Variants in NDUFA12 observed in about 807,000 individuals in gnomAD.
The protein encoded by NDUFA12 is NADH dehydrogenase [ubiquinone] 1 alpha subcomplex subunit 12.
NDUFA12 carries 17 observed loss-of-function variants against 20.3 expected under a neutral mutation model. The observed-to-expected ratio is 0.84, with a 90% CI of 0.57 to 1.26. The LOEUF is 1.26. NDUFA12 is among the 50% of genes most tolerant of loss of function. The pLI is 0.00. For synonymous variants in NDUFA12, 72 were observed against 63.6 expected (o/e 1.13, Z -0.63); for missense variants, 191 against 183.7 (o/e 1.04, Z -0.23).
At chr12:94,996,647 A>T (rs1874842302) in intron 2 of NDUFA12, among the ~76,000 whole-genome samples, 1 of 151,594 alleles carries the variant, frequency 6.6e-6, no homozygotes. Context: ...GAGAAACCCC[A>T]TCTCTACTAA....
chr12:94,978,703 T>C (rs1237831944), intron 3 of NDUFA12, among the ~76,000 whole-genome samples: 2 of 152,208 alleles, frequency 1.3e-5, no homozygotes, highest in Admixed American at 6.5e-5. Context: ...GAGAAAATGA[T>C]TGTTCCTTAT....
intron 2 of NDUFA12, chr12:94,997,558 A>G (rs1169166706): frequency 6.6e-6 from 1 of 152,200 alleles, no homozygotes; most frequent in Non-Finnish European, 1.5e-5. Context: ...TAAAAGTAAC[A>G]AATGCACATG....
intron 3 of NDUFA12, among the ~76,000 whole-genome samples, chr12:94,973,555 C>T (rs907335713): frequency 1.3e-5 from 2 of 152,044 alleles, no homozygotes; most frequent in African/African-American, 4.8e-5. Flanking sequence ...GTCAGCTTAA[C>T]TAAAGAAAAA....
At chr12:94,977,143 T>C (rs1487998874) in intron 3 of NDUFA12, among the ~76,000 whole-genome samples, 2 of 152,210 alleles carry the variant, frequency 1.3e-5, no homozygotes, top group Non-Finnish European at 2.9e-5. Context: ...GGACTTACTT[T>C]GAAGAAAATA....
intron 2 of NDUFA12, among the ~76,000 whole-genome samples, chr12:94,995,767 G>A (rs1874803655): frequency 6.6e-6 from 1 of 152,080 alleles, no homozygotes; most frequent in Admixed American, 6.6e-5. Flanking sequence ...TTACAAGCAG[G>A]TTTACAGTAG....
intron 2 of NDUFA12, 69 bp from the exon 3 acceptor site, chr12:94,994,326 G>T (rs928757217): frequency 5.3e-6 from 6 of 1,136,658 alleles, no homozygotes; most frequent in Non-Finnish European, 7.8e-6. Context: ...TAATATCAAA[G>T]AAGACAACCT....
chr12:94,994,241 A>C lies in NDUFA12; in HGVS notation c.186T>G (p.Val62=). 1.9e-6 allele frequency: 3 copies of C among 1,614,216 alleles called. No homozygotes were observed. Among genetic ancestry groups the C allele is most frequent in the Non-Finnish European group, 2.5e-6 (3 of 1,180,020 alleles). The change falls in exon 3 of 4, where the codon GTT becomes GTG. Residue 62 remains valine, a synonymous_variant. Transcript: ENST00000327772. ...NKQFFGRHRW[V]VYTTEMNGKN... is the part of the protein sequence containing the mutation. The stretch of plus-strand genomic sequence containing the variant: ...TGCCATTCATTTCAGTAGTATATAC[A>C]ACCCATCGGTGACGGCCTGGGTGGG...
intron 1 of NDUFA12, 101 bp from the exon 2 acceptor site, chr12:95,002,922 C>T (rs1875110913): frequency 1.1e-6 from 1 of 951,354 alleles, no homozygotes; most frequent in East Asian, 2.4e-5. Flanking sequence ...ACAAGGGCTG[C>T]TGCATCAACT....
At chr12:94,995,568 C>T (rs74574529) in intron 2 of NDUFA12, among the ~76,000 whole-genome samples, 5,416 of 152,208 alleles carry the variant, frequency 0.036, 134 homozygotes, top group Middle Eastern at 0.082. Flanking sequence ...CTCGCTCTGT[C>T]GCCTAGGCTG....
At chr12:94,983,166 C>T (rs2136063095) in intron 3 of NDUFA12, among the ~76,000 whole-genome samples, 1 of 152,228 alleles carries the variant, frequency 6.6e-6, no homozygotes, top group Non-Finnish European at 1.5e-5. Context: ...TCATCCTTGA[C>T]TGGTTTTTCT....
At chr12:94,972,078 A>C (rs1247703127) in intron 3 of NDUFA12, among the ~76,000 whole-genome samples, 1 of 152,040 alleles carries the variant, frequency 6.6e-6, no homozygotes, top group East Asian at 1.9e-4. Context: ...GCATGCCACC[A>C]CCATGCCTGG....
At chr12:94,976,686 C>T (rs1314931109) in intron 3 of NDUFA12, among the ~76,000 whole-genome samples, 1 of 152,190 alleles carries the variant, frequency 6.6e-6, no homozygotes, top group Non-Finnish European at 1.5e-5. Flanking sequence ...CCCACAGATA[C>T]TGAAGGTCAA....
intron 2 of NDUFA12, among the ~76,000 whole-genome samples, chr12:94,996,282 G>A (rs1874827710): frequency 6.6e-6 from 1 of 150,686 alleles, no homozygotes. Context: ...AGGGGAGGGA[G>A]CTTTCATACA....
rs376249935 is a variant in NDUFA12 at position 94,984,434 on chromosome 12, G to A, written c.257+9736C>T. 2.4e-4 allele frequency among the ~76,000 whole-genome samples: 37 copies of A among 152,112 alleles called. 1 individual carries two copies. In the East Asian group the frequency reaches 6.2e-3, roughly 25 times the overall value. Reference sequence around the variant, plus strand: ...GGTTGGGAGTTCAAGACCAGCTGACGCAGGAGAATCGCTTGAACCCAGAGG... The same window carrying A: ...GGTTGGGAGTTCAAGACCAGCTGACACAGGAGAATCGCTTGAACCCAGAGG... On this transcript the variant is annotated intron_variant, in intron 3 of 3. Coordinates refer to ENST00000327772, the MANE Select transcript of NDUFA12 (RefSeq NM_018838.5).
intron 3 of NDUFA12, among the ~76,000 whole-genome samples, chr12:94,991,877 C>T (rs1874658507): frequency 6.6e-6 from 1 of 152,142 alleles, no homozygotes; most frequent in African/African-American, 2.4e-5. Flanking sequence ...TTTGACAAGT[C>T]TGTACTTTTC....
In NDUFA12 at chr12:94,985,221, A is replaced by T. The variant is rs140866394; in HGVS notation, c.257+8949T>A. 1.1e-3 allele frequency among the ~76,000 whole-genome samples: 164 copies of T among 152,098 alleles called. 1 individual carries two copies. Among genetic ancestry groups the T allele is most frequent in the African/African-American group, 3.9e-3 (161 of 41,488 alleles). On this transcript the variant is annotated intron_variant, in intron 3 of 3. Coordinates refer to ENST00000327772, the MANE Select transcript of NDUFA12 (RefSeq NM_018838.5). ...ATGGCTGCAGTTCCAGCTACTTAGG[A>T]GGCTGAGGTGGAAGGATTGCTTGAG...
rs761874337 is a variant in NDUFA12 at position 94,977,553 on chromosome 12, AAG to A, written c.258-5935_258-5934del. ...TGATTCAGTGGGTCAAAGTACTAAAAAGGACAGGTTGAAATTGCAATGTAATT... is the reference window on the plus strand; with the variant it reads ...TGATTCAGTGGGTCAAAGTACTAAAAGACAGGTTGAAATTGCAATGTAATT... On this transcript the variant is annotated intron_variant, in intron 3 of 3. Transcript: ENST00000327772. 2.5e-4 allele frequency among the ~76,000 whole-genome samples: 38 copies of A among 152,324 alleles called. 2 individuals carry two copies. The highest frequency in any genetic ancestry group is 2.1e-3 in the East Asian group (11 of 5,184).
At chr12:94,986,114 TA>T (rs201942637) in intron 3 of NDUFA12, among the ~76,000 whole-genome samples, 12,155 of 150,628 alleles carry the variant, frequency 0.081, 561 homozygotes, top group East Asian at 0.16. Flanking sequence ...AATAAATAAA[TA>T]AGCTAGTCTC....
At chr12:94,975,726 G>C (rs1874044777) in intron 3 of NDUFA12, among the ~76,000 whole-genome samples, 1 of 152,184 alleles carries the variant, frequency 6.6e-6, no homozygotes, top group Non-Finnish European at 1.5e-5. Context: ...TATGATGGAA[G>C]ACTAAGGCAT....
Sources: gnomAD v4.1 joint callset for allele counts (sites outside exome capture counted in the v4.1 genomes callset) on GRCh38, gnomAD v4.1.1 for gene constraint, MANE v1.5 for transcripts, NCBI Gene and HGNC (gene_info 2026-07-23, HGNC 2026-07-21) for gene names.